The following MROH1 variants were observed in gnomAD, a reference collection of about 807,000 sequenced individuals.
MROH1 encodes the protein maestro heat like repeat family member 1.
A neutral mutation model predicts 116.5 loss-of-function variants in MROH1; 117 were observed. The observed-to-expected ratio is 1.00, with a 90% CI of 0.86 to 1.17. The LOEUF is 1.17. Among genes scored for constraint, MROH1 ranks in the 50% most tolerant of loss-of-function variants. The probability of loss-of-function intolerance (pLI) is 0.00; values close to 1 mark genes in which losing one functional copy is unlikely to be tolerated. For synonymous variants in MROH1, 921 were observed against 583.9 expected, an observed-to-expected ratio of 1.58 and a Z score of -8.32; for missense variants, 1,873 against 1,338.5, an observed-to-expected ratio of 1.40 and a Z score of -6.23.
intron 12 of MROH1, among the ~76,000 whole-genome samples, chr8:144,201,603 C>G (rs377362668): frequency 6.6e-6 from 1 of 152,210 alleles, no homozygotes; most frequent in Non-Finnish European, 1.5e-5. Context: ...TCTGCCCTTT[C>G]AGAAGCGGCG....
At chr8:144,177,284 C>T (rs533227681) in intron 4 of MROH1, among the ~76,000 whole-genome samples, 18 of 152,280 alleles carry the variant, frequency 1.2e-4, no homozygotes, top group African/African-American at 4.1e-4. Context: ...CAGCCACGTG[C>T]GGCACGTGTA....
At chr8:144,245,479 A>G (rs1431479543) in intron 29 of MROH1, among the ~76,000 whole-genome samples, 1 of 152,338 alleles carries the variant, frequency 6.6e-6, no homozygotes, top group Non-Finnish European at 1.5e-5. Context: ...AGCCGGAAGG[A>G]ACATGCACCT....
At chr8:144,200,392 T>C (rs1018057802) in intron 11 of MROH1, 36 bp from the exon 12 acceptor site, 4 of 1,484,936 alleles carry the variant, frequency 2.7e-6, no homozygotes, top group Non-Finnish European at 3.6e-6. Flanking sequence ...ATGAACAAGA[T>C]GACATGGAGC....
Position 144,191,879 on chromosome 8 carries a change from A to G in MROH1, c.855+24A>G, listed in dbSNP as rs773613636. 5 of 1,612,050 alleles carry G rather than the reference A, an allele frequency of 3.1e-6. No individual in the cohort carries two copies. The Admixed American group carries it at 8.3e-5, about 27-fold the overall frequency. ...AGGTATCTGCAGGCAGGGCAGGTCTACTGTCCCCGAGGACCCCTCCAATCA... is the reference window on the plus strand; with the variant it reads ...AGGTATCTGCAGGCAGGGCAGGTCTGCTGTCCCCGAGGACCCCTCCAATCA... On this transcript the variant is annotated intron_variant, in intron 9 of 43. Transcript: ENST00000326134.
intron 4 of MROH1, among the ~76,000 whole-genome samples, chr8:144,175,981 G>A (rs535598102): frequency 2.6e-5 from 4 of 152,146 alleles, no homozygotes; most frequent in South Asian, 2.1e-4. Flanking sequence ...CCTGGGAGGC[G>A]GAGGTTGCAG....
chr8:144,195,964 A>T lies in MROH1; in HGVS notation c.949-3158A>T, dbSNP rs145839648. Among the ~76,000 whole-genome samples the T allele has an allele frequency of 1.2e-4, 18 of 152,280 alleles. No homozygotes were observed. The East Asian group carries it at 2.7e-3, about 23-fold the overall frequency. On this transcript the variant is annotated intron_variant, in intron 10 of 43. Transcript: ENST00000326134. Reference sequence around the variant, plus strand: ...TTATCCATCTTTTATGTTATAGTTCAGGTTTTGTTATGCATAGAAAACCCT... The same window carrying T: ...TTATCCATCTTTTATGTTATAGTTCTGGTTTTGTTATGCATAGAAAACCCT...
Position 144,260,962 on chromosome 8 carries a change from C to T in MROH1, c.4592C>T (p.Ser1531Leu), listed in dbSNP as rs1844928042. Residue 1531 changes from serine (S) to leucine (L), a missense_variant, in exon 41 of 44, where the codon TCA becomes TTA. By Grantham distance (145) the Ser-to-Leu change is moderately radical. Transcript: ENST00000326134. ...CCCAATCTGGCATGTGAGGAGCTCT[C>T]AGCTGCTTTCCAGAAACACCTGCAG... Reference protein sequence around the residue: ...CGPNLACEELSAAFQKHLQEG... With the variant: ...CGPNLACEELLAAFQKHLQEG... The T allele has an allele frequency of 1.3e-6, 1 of 777,492 alleles. No individual in the cohort carries two copies. Among genetic ancestry groups the T allele is most frequent in the South Asian group, 1.3e-5 (1 of 74,554 alleles). 48.2% of individuals were successfully genotyped at this position (777,492 alleles called of 1,614,324 possible). A position where few individuals can be genotyped will look rare whatever the true frequency, so the allele number is the denominator to read the frequency against.
intron 14 of MROH1, among the ~76,000 whole-genome samples, chr8:144,234,663 CCCA>C (rs1358466404): frequency 1.4e-5 from 2 of 146,940 alleles, no homozygotes; most frequent in African/African-American, 5.0e-5. Context: ...ATTACAGGCG[CCCA>C]CCACCATGTC....
intron 2 of MROH1, among the ~76,000 whole-genome samples, chr8:144,161,797 G>A (rs933690396): frequency 1.3e-5 from 2 of 152,326 alleles, no homozygotes; most frequent in African/African-American, 4.8e-5. Context: ...GGTTCCGCCC[G>A]TTTCTTCCTG....
intron 4 of MROH1, among the ~76,000 whole-genome samples, chr8:144,171,847 C>G (rs1303089500): frequency 6.6e-6 from 1 of 152,180 alleles, no homozygotes; most frequent in Non-Finnish European, 1.5e-5. Context: ...GCCTAGTGGC[C>G]TACTCTAACA....
intron 1 of MROH1, chr8:144,148,808 TAC>T (rs1816033523): frequency 6.5e-6 from 1 of 152,912 alleles, no homozygotes; most frequent in African/African-American, 2.4e-5. Flanking sequence ...GGCTCGGTCC[TAC>T]ACACTCTGGG....
chr8:144,229,047 A>G (rs1813962321), intron 14 of MROH1, among the ~76,000 whole-genome samples: 1 of 152,090 alleles, frequency 6.6e-6, no homozygotes, highest in Non-Finnish European at 1.5e-5. Context: ...AAGAAACACT[A>G]CCTCATCCAT....
At chr8:144,229,380 A>ATT (rs60877043) in intron 14 of MROH1, among the ~76,000 whole-genome samples, 1,239 of 108,864 alleles carry the variant, frequency 0.011, 18 homozygotes, top group African/African-American at 0.037. Flanking sequence ...TACCTTATGA[A>ATT]TTTTTTTTTT....
intron 26 of MROH1, 31 bp downstream of exon 26, chr8:144,243,973 G>A: frequency 1.3e-6 from 1 of 775,392 alleles, no homozygotes; most frequent in Non-Finnish European, 2.4e-6. Flanking sequence ...ACAGGCCCGT[G>A]CAGCTGCGTG....
At chr8:144,248,719 C>T (rs924722247) in intron 31 of MROH1, among the ~76,000 whole-genome samples, 158 bp from the exon 32 acceptor site, 12 of 152,172 alleles carry the variant, frequency 7.9e-5, no homozygotes, top group African/African-American at 2.2e-4. Context: ...CCCCGTGCAG[C>T]GAGCTCATTG....
At chr8:144,208,240 G>A (rs950401136) in intron 12 of MROH1, among the ~76,000 whole-genome samples, 10 of 152,172 alleles carry the variant, frequency 6.6e-5, no homozygotes, top group East Asian at 3.9e-4. Context: ...CACCACACCC[G>A]GCCTGCAAGG....
chr8:144,195,217 A>AAAAAAAAAAAAAAAAAAAAAAAAC (rs1175557751), intron 10 of MROH1, among the ~76,000 whole-genome samples: 1 of 141,140 alleles, frequency 7.1e-6, no homozygotes, highest in Non-Finnish European at 1.6e-5. Flanking sequence ...AAAAAAAAAA[A>AAAAAAAAAAAAAAAAAAAAAAAAC]AAGGCCGAGT....
chr8:144,247,386 A>T lies in MROH1; in HGVS notation c.2957A>T (p.Glu986Val). 3.9e-6 allele frequency: 3 copies of T among 771,400 alleles called. No individual in the cohort carries two copies. Among genetic ancestry groups the T allele is most frequent in the Non-Finnish European group, 7.2e-6 (3 of 413,988 alleles). The allele number at this position is 771,400 out of a possible 1,614,324, so 47.8% of individuals were successfully genotyped here. The change falls in exon 30 of 44, where the codon GAG becomes GTG. Residue 986 changes from glutamate (E) to valine (V), a missense_variant. Glu to Val is a moderately radical substitution (Grantham distance 121, BLOSUM62 -2). Coordinates refer to ENST00000326134, the MANE Select transcript of MROH1 (RefSeq NM_032450.3). Reference protein sequence around the residue: ...CADLWPATRQEAVDCVYSLLY... With the variant: ...CADLWPATRQVAVDCVYSLLY... ...GACCTGTGGCCTGCCACCCGCCAGG[A>T]GGCCGTGGACTGTGTCTACTCCCTG... is the stretch of plus-strand genomic sequence containing the variant.
chr8:144,239,386 G>T (rs1424719891), intron 17 of MROH1, 23 bp downstream of exon 17: 1 of 780,386 alleles, frequency 1.3e-6, no homozygotes, highest in South Asian at 1.3e-5. Context: ...CTTTCACAGC[G>T]TGCCCAGCGC....
Sources: allele counts gnomAD v4.1 joint callset (sites outside exome capture counted in the v4.1 genomes callset), GRCh38; gene constraint gnomAD v4.1.1; transcripts MANE v1.5; gene names NCBI Gene and HGNC (gene_info 2026-07-23, HGNC 2026-07-21).